Variants in LDAH observed in about 807,000 individuals in gnomAD.
The protein encoded by LDAH is lipid droplet-associated hydrolase.
In LDAH, 26 loss-of-function variants were observed where a neutral mutation model predicts 29.6. That is an observed-to-expected ratio of 0.88 (90% confidence interval 0.64 to 1.22). The LOEUF is 1.22. Among genes scored for constraint, LDAH ranks in the 50% most tolerant of loss-of-function variants. LDAH has a pLI of 0.00. For synonymous variants in LDAH, 117 were observed against 133.0 expected (o/e 0.88, Z 0.83); for missense variants, 344 against 387.3 (o/e 0.89, Z 0.94).
chr2:20,764,610 C>T (rs959990393), intron 4 of LDAH, among the ~76,000 whole-genome samples: 3 of 152,210 alleles, frequency 2.0e-5, no homozygotes, highest in Admixed American at 2.0e-4. Context: ...CCTCCCAATG[C>T]ATTCACCTGC....
chr2:20,802,584 C>T (rs891171507), intron 1 of LDAH, among the ~76,000 whole-genome samples: 5 of 152,132 alleles, frequency 3.3e-5, no homozygotes, highest in African/African-American at 9.7e-5. Context: ...TCTTTCTCTT[C>T]CCCTCTCTTC....
At chr2:20,713,972 T>C (rs2149382033) in intron 5 of LDAH, among the ~76,000 whole-genome samples, 1 of 152,252 alleles carries the variant, frequency 6.6e-6, no homozygotes, top group South Asian at 2.1e-4. Flanking sequence ...GACAAATCAA[T>C]GAGCCAGAAG....
At chr2:20,740,306 A>C (rs1667087988) in intron 4 of LDAH, 101 bp from the exon 5 acceptor site, 2 of 794,042 alleles carry the variant, frequency 2.5e-6, no homozygotes, top group South Asian at 3.5e-5. Flanking sequence ...TGGGTTTTAG[A>C]ATGACTAGAG....
chr2:20,731,269 C>T (rs72784346), intron 5 of LDAH, among the ~76,000 whole-genome samples: 3,575 of 152,132 alleles, frequency 0.023, 68 homozygotes, highest in Non-Finnish European at 0.034. Flanking sequence ...GACTTAACAC[C>T]ATCCCCCTTG....
At chr2:20,814,121 C>G (rs539641442) in intron 1 of LDAH, among the ~76,000 whole-genome samples, 1 of 151,836 alleles carries the variant, frequency 6.6e-6, no homozygotes, top group African/African-American at 2.4e-5. Flanking sequence ...CAGAAACCAT[C>G]TTTTCCCCCA....
At chr2:20,753,019 A>G (rs1668076986) in intron 4 of LDAH, among the ~76,000 whole-genome samples, 1 of 152,132 alleles carries the variant, frequency 6.6e-6, no homozygotes, top group Non-Finnish European at 1.5e-5. Context: ...AAAACCAGGC[A>G]CCTTCAATGT....
At chr2:20,775,913 T>TAC (rs2125021693) in intron 3 of LDAH, among the ~76,000 whole-genome samples, 1 of 152,328 alleles carries the variant, frequency 6.6e-6, no homozygotes, top group Admixed American at 6.5e-5. Context: ...CTGTGACTAG[T>TAC]ACACAGCAAA....
chr2:20,754,215 C>A (rs998754825), intron 4 of LDAH, among the ~76,000 whole-genome samples: 12 of 151,948 alleles, frequency 7.9e-5, no homozygotes, highest in Non-Finnish European at 1.2e-4. Flanking sequence ...AGGCTGGGCG[C>A]GGTGGCTCAT....
intron 6 of LDAH, among the ~76,000 whole-genome samples, chr2:20,688,261 G>A (rs6531253): frequency 0.15 from 23,273 of 152,164 alleles, 1,882 homozygotes; most frequent in African/African-American, 0.2. Context: ...TCAAGCTGGG[G>A]CAGCACACTG....
At chr2:20,682,945 C>G (rs999492370), downstream of LDAH, among the ~76,000 whole-genome samples, 2 of 152,226 alleles carry the variant, frequency 1.3e-5, no homozygotes, top group African/African-American at 4.8e-5. Flanking sequence ...GCAGCATACT[C>G]CTTATCTGGA....
chr2:20,728,486 AC>A (rs1666170637), intron 5 of LDAH, among the ~76,000 whole-genome samples: 2 of 152,008 alleles, frequency 1.3e-5, no homozygotes, highest in African/African-American at 2.4e-5. Flanking sequence ...TGGAGTATAA[AC>A]TCTAGCAGAG....
intron 6 of LDAH, among the ~76,000 whole-genome samples, chr2:20,687,927 T>C (rs1662685935): frequency 6.6e-6 from 1 of 152,236 alleles, no homozygotes; most frequent in Admixed American, 6.5e-5. Context: ...AAGGATCCTT[T>C]GACCTCTGTT....
At chr2:20,710,377 C>A (rs1210487717) in intron 5 of LDAH, among the ~76,000 whole-genome samples, 2 of 151,686 alleles carry the variant, frequency 1.3e-5, no homozygotes, top group African/African-American at 4.8e-5. Flanking sequence ...GTTAAGCTTA[C>A]TCAAAAAGAA....
rs1014517801 is a variant in LDAH at position 20,713,798 on chromosome 2, C to T, written c.704-12146G>A. ...CAAAAGAGACAAGGCCATTACGTAA[C>T]GGTAAATGGATCAATTCAACAAGAA... On this transcript the variant is annotated intron_variant, in intron 5 of 6. Transcript: ENST00000237822. Among the ~76,000 whole-genome samples, 7 of 152,064 alleles carry T rather than the reference C, an allele frequency of 4.6e-5. No individual in the cohort carries two copies. In the East Asian group the frequency reaches 5.8e-4, roughly 13 times the overall value.
chr2:20,740,607 G>T (rs1472339453), intron 4 of LDAH, among the ~76,000 whole-genome samples: 2 of 151,946 alleles, frequency 1.3e-5, no homozygotes, highest in Non-Finnish European at 2.9e-5. Flanking sequence ...CCATGTCCAG[G>T]CCCCCTCATT....
In LDAH at chr2:20,790,389, C is replaced by T. The variant is rs771168924; in HGVS notation, c.164G>A (p.Gly55Asp). 6.2e-7 allele frequency: 1 copy of T among 1,612,486 alleles called. No homozygotes were observed. The highest frequency in any genetic ancestry group is 8.5e-7 in the Non-Finnish European group (1 of 1,179,572). ...LLIFIIPGNP[G>D]FSAFYVPFAK... ...AAATGGCACATAAAAGGCAGAAAAA[C>T]CTGGGTTACCTAAGAAAAGAAACAC... The change falls in exon 3 of 7, where the codon GGT becomes GAT. Residue 55 changes from glycine to aspartate, a missense_variant. Gly to Asp is a moderately conservative substitution (Grantham distance 94, BLOSUM62 -1). Coordinates refer to ENST00000237822, the MANE Select transcript of LDAH (RefSeq NM_021925.4).
At chr2:20,695,665 G>C (rs1050019710) in intron 6 of LDAH, among the ~76,000 whole-genome samples, 6 of 152,014 alleles carry the variant, frequency 3.9e-5, no homozygotes, top group Non-Finnish European at 7.4e-5. Flanking sequence ...GGCCAGGCTG[G>C]TCTCGAACTC....
intron 3 of LDAH, among the ~76,000 whole-genome samples, chr2:20,779,521 A>C (rs1004455265): frequency 6.6e-6 from 1 of 152,052 alleles, no homozygotes; most frequent in African/African-American, 2.4e-5. Context: ...CAAATACACA[A>C]AAAAATAATA....
At chr2:20,710,462 C>T (rs151036358) in intron 5 of LDAH, among the ~76,000 whole-genome samples, 117 of 150,576 alleles carry the variant, frequency 7.8e-4, no homozygotes, top group African/African-American at 2.7e-3. Flanking sequence ...CAAAGAAAAC[C>T]CCAGGCCAAG....
Sources: allele counts gnomAD v4.1 joint callset (sites outside exome capture counted in the v4.1 genomes callset), GRCh38; gene constraint gnomAD v4.1.1; transcripts MANE v1.5; gene names NCBI Gene and HGNC (gene_info 2026-07-23, HGNC 2026-07-21).